The following SHISAL1 variants were observed in gnomAD, a reference collection of about 807,000 sequenced individuals.
The protein encoded by SHISAL1 is protein shisa-like-1.
In SHISAL1, 9 loss-of-function variants were observed where a neutral mutation model predicts 22.6. The ratio of observed to expected loss-of-function variants is 0.40; its 90% CI spans 0.24 to 0.70. The LOEUF (loss-of-function observed/expected upper bound fraction) is 0.70, where lower values mean the gene tolerates loss of function less well. SHISAL1 is among the 30% of genes least tolerant of loss of function. SHISAL1 has a pLI of 0.39. For synonymous variants in SHISAL1, 119 were observed against 115.4 expected (o/e 1.03, Z -0.20); for missense variants, 246 against 270.6 (o/e 0.91, Z 0.64).
At chr22:44,305,213 C>G (rs7511368) in intron 1 of SHISAL1, among the ~76,000 whole-genome samples, 1 of 152,134 alleles carries the variant, frequency 6.6e-6, no homozygotes, top group Non-Finnish European at 1.5e-5. Flanking sequence ...ATTCATTTAT[C>G]CATTCACTTA....
chr22:44,271,985 C>T (rs549577400), intron 4 of SHISAL1, among the ~76,000 whole-genome samples: 109 of 152,298 alleles, frequency 7.2e-4, no homozygotes, highest in Non-Finnish European at 1.2e-3. Context: ...GTAGTTGCTG[C>T]GTTAGGGCAT....
intron 2 of SHISAL1, 67 bp from the exon 3 acceptor site, chr22:44,296,952 G>T: frequency 1.6e-6 from 2 of 1,287,036 alleles, no homozygotes; most frequent in South Asian, 1.3e-5. Flanking sequence ...GAGGCAGGGG[G>T]ACTGGCCGGC....
intron 4 of SHISAL1, among the ~76,000 whole-genome samples, chr22:44,256,169 C>T (rs145266828): frequency 3.7e-4 from 54 of 147,622 alleles, no homozygotes; most frequent in Middle Eastern, 6.9e-3. Flanking sequence ...CTCACACCAT[C>T]GGCTCTCCTG....
In SHISAL1 at chr22:44,246,046, AATGGTC is replaced by A. The variant is rs2054998103; in HGVS notation, c.*3633_*3638del. ...CAATTAAGGCCTGTTGCACATCAGC[AATGGTC>A]ATGGTCAGGTGGCTGGCCTGGCCGC... On this transcript the variant is annotated 3_prime_UTR_variant, in exon 5 of 5. Coordinates refer to ENST00000381176, the MANE Select transcript of SHISAL1 (RefSeq NM_001099294.2). The A allele has an allele frequency of 1.3e-5, 2 of 152,410 alleles. No homozygotes were observed. Among genetic ancestry groups the A allele is most frequent in the Non-Finnish European group, 2.9e-5 (2 of 68,098 alleles). 9.4% of individuals were successfully genotyped at this position (152,410 alleles called of 1,614,324 possible).
chr22:44,263,105 T>C (rs907346145), intron 4 of SHISAL1, among the ~76,000 whole-genome samples: 5 of 136,932 alleles, frequency 3.7e-5, no homozygotes, highest in Admixed American at 1.5e-4. Context: ...TTTTTGGAGA[T>C]GGAGTCTGTG....
chr22:44,286,138 CT>C (rs1367228479), intron 3 of SHISAL1, among the ~76,000 whole-genome samples: 1 of 152,164 alleles, frequency 6.6e-6, no homozygotes, highest in Non-Finnish European at 1.5e-5. Context: ...GCAGGTGCCC[CT>C]GCCCCACCTT....
chr22:44,271,632 C>T (rs1338983109), intron 4 of SHISAL1, among the ~76,000 whole-genome samples: 1 of 152,250 alleles, frequency 6.6e-6, no homozygotes, highest in Non-Finnish European at 1.5e-5. Flanking sequence ...ATCCATGGTC[C>T]TCCCTGACCC....
intron 2 of SHISAL1, among the ~76,000 whole-genome samples, chr22:44,298,519 C>T (rs140061547): frequency 3.9e-5 from 6 of 152,370 alleles, no homozygotes; most frequent in Non-Finnish European, 5.9e-5. Context: ...TAGCCAGTTC[C>T]GGTCACTGTC....
Position 44,298,341 on chromosome 22 carries a change from G to A in SHISAL1, c.68-1456C>T, listed in dbSNP as rs114025727. ...CAAAGTGTGGCCCCTGATCGGCCTCGAGGGCATCCCCGGAGGGCTTGTCAG... is the reference window on the plus strand; with the variant it reads ...CAAAGTGTGGCCCCTGATCGGCCTCAAGGGCATCCCCGGAGGGCTTGTCAG... On this transcript the variant is annotated intron_variant, in intron 2 of 4. Coordinates refer to ENST00000381176, the MANE Select transcript of SHISAL1 (RefSeq NM_001099294.2). Among the ~76,000 whole-genome samples, 404 of 152,352 alleles carry A rather than the reference G, an allele frequency of 2.7e-3. 3 individuals are homozygous for A. The highest frequency in any genetic ancestry group is 9.2e-3 in the African/African-American group (383 of 41,580).
At chr22:44,296,549 T>C in intron 3 of SHISAL1, 123 bp downstream of exon 3, 1 of 789,562 alleles carries the variant, frequency 1.3e-6, no homozygotes, top group Admixed American at 2.2e-5. Context: ...CCCAGACTCC[T>C]TCCAGGCCCA....
At chr22:44,313,531 G>A (rs2055535522), upstream of SHISAL1, among the ~76,000 whole-genome samples, 1 of 152,240 alleles carries the variant, frequency 6.6e-6, no homozygotes, top group African/African-American at 2.4e-5. Flanking sequence ...CTGCCAGTAG[G>A]AATGGGGTGG....
chr22:44,271,153 G>A (rs766829080), intron 4 of SHISAL1, among the ~76,000 whole-genome samples: 6 of 152,088 alleles, frequency 3.9e-5, no homozygotes, highest in Non-Finnish European at 8.8e-5. Flanking sequence ...TTTACTCCCT[G>A]TGCCTATATC....
chr22:44,284,139 C>T (rs2055294998), intron 4 of SHISAL1, among the ~76,000 whole-genome samples: 1 of 152,098 alleles, frequency 6.6e-6, no homozygotes, highest in Non-Finnish European at 1.5e-5. Context: ...TAAGCACAAG[C>T]TGATTTATGC....
the SHISAL1 span, among the ~76,000 whole-genome samples, chr22:44,329,310 G>C: frequency 6.6e-6 from 1 of 151,806 alleles, no homozygotes; most frequent in East Asian, 1.9e-4. Context: ...GGCAGGTCCC[G>C]CTCGCTTTCT....
chr22:44,296,024 T>G (rs1371655780), intron 3 of SHISAL1, among the ~76,000 whole-genome samples: 2 of 152,226 alleles, frequency 1.3e-5, no homozygotes, highest in Non-Finnish European at 2.9e-5. Flanking sequence ...GAATGAAGAA[T>G]GAATGAAGGA....
At chr22:44,256,340 T>C (rs1422912494) in intron 4 of SHISAL1, among the ~76,000 whole-genome samples, 1 of 152,210 alleles carries the variant, frequency 6.6e-6, no homozygotes, top group Non-Finnish European at 1.5e-5. Context: ...ACTCACACCA[T>C]TGGCTCCCCT....
rs1329934043 is a variant in SHISAL1 at position 44,310,087 on chromosome 22, T to G, written c.-33+2664A>C. ...GCCGGGCTCCACGGCTGACAGTGAGTGAGAAGGGCCAGCACCTCACACCCT... is the reference window on the plus strand; with the variant it reads ...GCCGGGCTCCACGGCTGACAGTGAGGGAGAAGGGCCAGCACCTCACACCCT... On this transcript the variant is annotated intron_variant, in intron 1 of 4. Coordinates refer to ENST00000381176, the MANE Select transcript of SHISAL1 (RefSeq NM_001099294.2). The surrounding 1 kb of genome is among the most constrained non-coding windows in gnomAD (Gnocchi z 4.0). Among the ~76,000 whole-genome samples, 1 of 151,828 alleles carries G rather than the reference T, an allele frequency of 6.6e-6. No individual in the cohort carries two copies. The highest frequency in any genetic ancestry group is 2.4e-5 in the African/African-American group (1 of 41,306).
At chr22:44,266,528 ATGTG>A (rs11473448) in intron 4 of SHISAL1, among the ~76,000 whole-genome samples, 186 of 108,406 alleles carry the variant, frequency 1.7e-3, no homozygotes, top group African/African-American at 4.2e-3. Context: ...GCTTTGGGGT[ATGTG>A]TGTGTGTGTG....
intron 3 of SHISAL1, 25 bp downstream of exon 3, chr22:44,296,647 G>T (rs760485278): frequency 9.9e-6 from 16 of 1,608,504 alleles, no homozygotes; most frequent in African/African-American, 1.3e-5. Context: ...AGGCAGTGGG[G>T]TTGCACCCCC....
Sources: allele counts gnomAD v4.1 joint callset (sites outside exome capture counted in the v4.1 genomes callset), GRCh38; gene constraint gnomAD v4.1.1; non-coding constraint Gnocchi (gnomAD v3.1); transcripts MANE v1.5; gene names NCBI Gene and HGNC (gene_info 2026-07-23, HGNC 2026-07-21).